Variants in BMPR1B observed in about 807,000 individuals in gnomAD.
BMPR1B encodes bone morphogenetic protein receptor type-1B.
A neutral mutation model predicts 59.1 loss-of-function variants in BMPR1B; 12 were observed. The observed-to-expected ratio is 0.20, with a 90% CI of 0.13 to 0.33. The LOEUF is 0.33. Ranked by LOEUF, BMPR1B falls within the 10% of genes least tolerant of loss-of-function variation. BMPR1B has a pLI of 1.00. For missense variants in BMPR1B, 550 were observed against 610.9 expected (o/e 0.90, Z 1.05); for synonymous variants, 237 against 207.3 (o/e 1.14, Z -1.23).
At chr4:94,858,700 C>T (rs577911651) in intron 1 of BMPR1B, among the ~76,000 whole-genome samples, 11 of 152,262 alleles carry the variant, frequency 7.2e-5, no homozygotes, top group African/African-American at 2.2e-4. Flanking sequence ...TTTGTATTAA[C>T]TCCAATCAAA....
intron 2 of BMPR1B, among the ~76,000 whole-genome samples, chr4:94,972,261 T>C (rs1280842585): frequency 1.3e-5 from 2 of 151,170 alleles, no homozygotes; most frequent in Admixed American, 1.3e-4. Flanking sequence ...CAATTTCTTC[T>C]CTTGCTAGCT....
At chr4:95,104,902 G>A (rs545957805) in intron 4 of BMPR1B, among the ~76,000 whole-genome samples, 230 of 143,494 alleles carry the variant, frequency 1.6e-3, no homozygotes, top group Non-Finnish European at 2.1e-3. Context: ...TGTCAAATGC[G>A]TGTGATTTTG....
intron 2 of BMPR1B, among the ~76,000 whole-genome samples, chr4:94,936,780 CTT>C (rs1729318719): frequency 6.6e-6 from 1 of 152,090 alleles, no homozygotes. Context: ...CCTTGGCTCT[CTT>C]CTCTTCTCAC....
chr4:94,761,583 A>C (rs986202142), intron 1 of BMPR1B, among the ~76,000 whole-genome samples: 3 of 152,108 alleles, frequency 2.0e-5, no homozygotes, highest in African/African-American at 4.8e-5. Context: ...TGTTTTACAT[A>C]TCAGACTTCC....
intron 4 of BMPR1B, among the ~76,000 whole-genome samples, chr4:95,107,392 TTG>T (rs1731265594): frequency 6.6e-6 from 1 of 151,920 alleles, no homozygotes; most frequent in African/African-American, 2.4e-5. Flanking sequence ...TTAAAATGGG[TTG>T]TGTTATATGG....
At chr4:95,093,878 A>T (rs554930496) in intron 3 of BMPR1B, among the ~76,000 whole-genome samples, 22 of 152,198 alleles carry the variant, frequency 1.4e-4, no homozygotes, top group Non-Finnish European at 2.8e-4. Flanking sequence ...ATTAGTGTTG[A>T]CCATGAGTGG....
At chr4:95,099,768 A>G (rs1044390003) in intron 3 of BMPR1B, among the ~76,000 whole-genome samples, 1 of 152,144 alleles carries the variant, frequency 6.6e-6, no homozygotes, top group African/African-American at 2.4e-5. Context: ...CTGTATCTCT[A>G]AATAAATAAC....
chr4:95,074,564 G>C (rs1173042101), intron 3 of BMPR1B, among the ~76,000 whole-genome samples: 1 of 151,860 alleles, frequency 6.6e-6, no homozygotes, highest in East Asian at 1.9e-4. Context: ...AAGACCCCAA[G>C]GCCCTGTCCT....
At chr4:95,151,343 G>C (rs962220559) in intron 11 of BMPR1B, among the ~76,000 whole-genome samples, 2 of 152,116 alleles carry the variant, frequency 1.3e-5, no homozygotes, top group Admixed American at 1.3e-4. Flanking sequence ...ATCCACCAGC[G>C]GAAAATAGGA....
At chr4:95,063,466 A>G (rs1224583245) in intron 3 of BMPR1B, among the ~76,000 whole-genome samples, 2 of 152,160 alleles carry the variant, frequency 1.3e-5, no homozygotes, top group African/African-American at 4.8e-5. Flanking sequence ...ATTTGTATAA[A>G]TGTAGAAACA....
intron 2 of BMPR1B, among the ~76,000 whole-genome samples, chr4:94,885,336 A>C (rs1268797308): frequency 6.6e-6 from 1 of 152,212 alleles, no homozygotes; most frequent in Non-Finnish European, 1.5e-5. Flanking sequence ...CAAGTTGAAG[A>C]TGTTGCTTCT....
At chr4:94,978,332 C>G (rs1264306412) in intron 2 of BMPR1B, among the ~76,000 whole-genome samples, 2 of 152,158 alleles carry the variant, frequency 1.3e-5, no homozygotes, top group Non-Finnish European at 2.9e-5. Context: ...AGTTTAGGGT[C>G]TCTCATGCAT....
At chr4:95,093,775 T>C (rs755602927) in intron 3 of BMPR1B, among the ~76,000 whole-genome samples, 2 of 152,018 alleles carry the variant, frequency 1.3e-5, no homozygotes, top group African/African-American at 2.4e-5. Flanking sequence ...ACAATGTCAG[T>C]GAATAGAAAC....
At chr4:94,895,586 G>A (rs1225307141) in intron 2 of BMPR1B, among the ~76,000 whole-genome samples, 3 of 151,374 alleles carry the variant, frequency 2.0e-5, no homozygotes, top group Non-Finnish European at 4.4e-5. Context: ...TATGTTAGAG[G>A]CAATTCATTT....
At position 94,838,675 on chromosome 4, in the gene BMPR1B, G is replaced by T. The variant is rs1318322664; in HGVS notation, c.-182-37156G>T. Among the ~76,000 whole-genome samples, 56 of 140,650 alleles carry T rather than the reference G, an allele frequency of 4.0e-4. 3 individuals are homozygous for T. The highest frequency in any genetic ancestry group is 7.8e-4 in the Non-Finnish European group (50 of 64,092). The allele number at this position is 140,650 out of a possible 152,430, so 92.3% of individuals were successfully genotyped here. ...TTTTTTCTTTATTAGTCTTACTAGC[G>T]GTCTATCAATTTTGTTGATCCTTTC... is the stretch of plus-strand genomic sequence containing the variant. On this transcript the variant is annotated intron_variant, in intron 1 of 12. Transcript: ENST00000515059.
intron 3 of BMPR1B, among the ~76,000 whole-genome samples, chr4:95,098,006 TAATA>T: frequency 6.6e-6 from 1 of 152,298 alleles, no homozygotes; most frequent in Non-Finnish European, 1.5e-5. Context: ...AGGATTTCAT[TAATA>T]AATATTTATA....
intron 3 of BMPR1B, among the ~76,000 whole-genome samples, chr4:95,087,735 A>G (rs569343646): frequency 2.4e-4 from 37 of 152,280 alleles, no homozygotes; most frequent in African/African-American, 8.9e-4. Flanking sequence ...CTGTCTCAAA[A>G]AAAATAAATA....
chr4:95,098,899 G>T (rs1251492602), intron 3 of BMPR1B, among the ~76,000 whole-genome samples: 3 of 152,176 alleles, frequency 2.0e-5, no homozygotes, highest in African/African-American at 7.2e-5. Flanking sequence ...TGTATTTTTA[G>T]TAGAGACGTG....
chr4:94,998,814 A>G (rs369159508), intron 3 of BMPR1B, among the ~76,000 whole-genome samples: 50 of 151,934 alleles, frequency 3.3e-4, no homozygotes, highest in African/African-American at 1.1e-3. Flanking sequence ...TATACCTTCT[A>G]CTTTTGTTCT....
Sources: gnomAD v4.1 joint callset for allele counts (sites outside exome capture counted in the v4.1 genomes callset) on GRCh38, gnomAD v4.1.1 for gene constraint, MANE v1.5 for transcripts, NCBI Gene and HGNC (gene_info 2026-07-23, HGNC 2026-07-21) for gene names.